USHBP1: variants seen among roughly 807,000 people sequenced by gnomAD.
USHBP1 encodes harmonin-binding protein USHBP1.
USHBP1 carries 67 observed loss-of-function variants against 76.2 expected under a neutral mutation model. The observed-to-expected ratio is 0.88, with a 90% CI of 0.72 to 1.08. The LOEUF is 1.08. Among genes scored for constraint, USHBP1 ranks in the 50% least tolerant of loss-of-function variants. The probability of loss-of-function intolerance (pLI) is 0.00; values close to 1 mark genes in which losing one functional copy is unlikely to be tolerated. For missense variants in USHBP1, 931 were observed against 915.0 expected (o/e 1.02, Z -0.23); for synonymous variants, 322 against 362.2 (o/e 0.89, Z 1.26).
rs770998002 is a variant in USHBP1 at position 17,262,756 on chromosome 19, C to A, written c.438G>T (p.Pro146=). The change falls in exon 4 of 13, where the codon CCG becomes CCT. Residue 146 remains proline, a synonymous_variant. Transcript: ENST00000252597. ...WRHQPPSHSG[P]MEFEGTSEGG... ...CTTCGCTTGTGCCTTCGAACTCCAT[C>A]GGCCCAGAATGGCTGGGGGGCTGGT... The A allele has an allele frequency of 1.2e-6, 2 of 1,614,210 alleles. No homozygotes were observed. Among genetic ancestry groups the A allele is most frequent in the South Asian group, 1.1e-5 (1 of 91,084 alleles).
chr19:17,255,467 T>G lies in USHBP1; in HGVS notation c.1610A>C (p.Glu537Ala), dbSNP rs1182481925. 1 of 1,613,858 alleles carries G rather than the reference T, an allele frequency of 6.2e-7. No homozygotes were observed. The highest frequency in any genetic ancestry group is 1.3e-5 in the African/African-American group (1 of 74,896). ...GCTGTTTGCCCCACCAGCCTGGAGCTCTGCCCGTTCCCACCGCAGCTGCTC... is the reference window on the plus strand; with the variant it reads ...GCTGTTTGCCCCACCAGCCTGGAGCGCTGCCCGTTCCCACCGCAGCTGCTC... ...LLEQLRWERA[E>A]LQAGGANSSG... The change falls in exon 10 of 13, where the codon GAG (glutamate) becomes GCG (alanine). Residue 537 changes from glutamate to alanine, a missense_variant. Physicochemically the swap from Glu to Ala is moderately radical, Grantham distance 107. Transcript: ENST00000252597.
In USHBP1 at chr19:17,262,671, G is replaced by A. The variant is rs369500800; in HGVS notation, c.523C>T (p.Arg175Cys). Reference protein sequence around the residue: ...GAGSCQREAARLAERNAWLRL... With the variant: ...GAGSCQREAACLAERNAWLRL... Reference sequence around the variant, plus strand: ...AGCCAGGCATTCCTCTCGGCCAGGCGAGCTGCCTCTCGCTGGCAGCTCCCT... The same window carrying A: ...AGCCAGGCATTCCTCTCGGCCAGGCAAGCTGCCTCTCGCTGGCAGCTCCCT... The change falls in exon 4 of 13, where the codon CGC becomes TGC. Residue 175 changes from arginine to cysteine, a missense_variant. Physicochemically the swap from Arg to Cys is radical, Grantham distance 180. Coordinates refer to ENST00000252597, the MANE Select transcript of USHBP1 (RefSeq NM_031941.4). The A allele has an allele frequency of 7.4e-6, 12 of 1,614,034 alleles. No individual in the cohort carries two copies. Among genetic ancestry groups the A allele is most frequent in the East Asian group, 4.5e-5 (2 of 44,884 alleles).
intron 4 of USHBP1, 74 bp downstream of exon 4, chr19:17,262,478 G>A: frequency 6.8e-7 from 1 of 1,477,526 alleles, no homozygotes; most frequent in South Asian, 1.3e-5. Flanking sequence ...ACAAATGAAT[G>A]AATATTGCCT....
At chr19:17,251,188 T>A (rs1000304838) in intron 12 of USHBP1, among the ~76,000 whole-genome samples, 3 of 138,536 alleles carry the variant, frequency 2.2e-5, no homozygotes, top group Non-Finnish European at 4.6e-5. Context: ...TTTTTTTTTT[T>A]AGACAGAGTC....
In USHBP1 at chr19:17,259,846, C is replaced by T. The variant is rs375254273; in HGVS notation, c.768+51G>A. 5.7e-5 allele frequency: 90 copies of T among 1,591,632 alleles called. 1 individual carries two copies. The African/African-American group carries it at 1.2e-3, about 20-fold the overall frequency. ...CATGACAAAGATTTGAGTCTCATTC[C>T]CCTGAAGGCTAAGGACATCAAGACC... On this transcript the variant is annotated intron_variant, in intron 5 of 12. Coordinates refer to ENST00000252597, the MANE Select transcript of USHBP1 (RefSeq NM_031941.4).
intron 10 of USHBP1, among the ~76,000 whole-genome samples, chr19:17,254,819 A>G (rs1349247952): frequency 6.6e-6 from 1 of 152,010 alleles, no homozygotes; most frequent in Non-Finnish European, 1.5e-5. Context: ...AATAACAGGA[A>G]ACCGCATCTG....
intron 10 of USHBP1, among the ~76,000 whole-genome samples, chr19:17,253,739 C>T (rs1253696697): frequency 6.8e-6 from 1 of 146,458 alleles, no homozygotes; most frequent in Non-Finnish European, 1.5e-5. Flanking sequence ...ACTAAAAATA[C>T]AAAAATTAGC....
intron 8 of USHBP1, among the ~76,000 whole-genome samples, chr19:17,257,371 A>G (rs891036318): frequency 1.8e-4 from 26 of 143,658 alleles, no homozygotes; most frequent in Non-Finnish European, 3.0e-4. Flanking sequence ...GGCCGGGCGC[A>G]GTGCCTAACG....
intron 8 of USHBP1, among the ~76,000 whole-genome samples, 197 bp from the exon 9 acceptor site, chr19:17,256,917 G>A (rs1215007584): frequency 6.6e-6 from 1 of 152,026 alleles, no homozygotes; most frequent in African/African-American, 2.4e-5. Context: ...GGCCAGGTGC[G>A]GTGATGCATG....
chr19:17,263,940 A>C, intron 3 of USHBP1, 62 bp downstream of exon 3: 3 of 1,463,142 alleles, frequency 2.1e-6, no homozygotes, highest in East Asian at 2.4e-5. Context: ...ACATCAGCAG[A>C]TCTGTGGATG....
At chr19:17,257,322 C>T (rs1394570405) in intron 8 of USHBP1, among the ~76,000 whole-genome samples, 8 of 147,234 alleles carry the variant, frequency 5.4e-5, no homozygotes, top group Non-Finnish European at 3.0e-5. Context: ...TGAGCCACCG[C>T]GCCTGGCCGA....
At chr19:17,261,317 T>TTTTCTTTCTTTC (rs555731943) in intron 4 of USHBP1, among the ~76,000 whole-genome samples, 1 of 140,810 alleles carries the variant, frequency 7.1e-6, no homozygotes, top group African/African-American at 2.7e-5. Flanking sequence ...TTTTCTTTCT[T>TTTTCTTTCTTTC]TTTCTTTCTT....
chr19:17,257,788 G>A (rs530824139), intron 8 of USHBP1, among the ~76,000 whole-genome samples: 3 of 151,744 alleles, frequency 2.0e-5, no homozygotes, highest in Non-Finnish European at 4.4e-5. Context: ...CTGGTACTAC[G>A]CGGGCACACC....
rs528398187 is a variant in USHBP1, at chr19:17,251,605, G to T, written c.1899C>A (p.Asn633Lys). ...RARRSQSAELNRDLCKAHSAL... is the reference protein window; with the variant it reads ...RARRSQSAELKRDLCKAHSAL... ...ACCTGTGGGCTTTGCATAAATCCCT[G>T]TTCAGCTCGGCACTCTGAGACCGTC... is the stretch of plus-strand genomic sequence containing the variant. Residue 633 changes from asparagine to lysine, a missense_variant, in exon 12 of 13, where the codon AAC (asparagine) becomes AAA (lysine). Transcript: ENST00000252597. The T allele has an allele frequency of 6.2e-7, 1 of 1,614,042 alleles. No homozygotes were observed. The highest frequency in any genetic ancestry group is 1.3e-5 in the African/African-American group (1 of 75,040).
intron 10 of USHBP1, among the ~76,000 whole-genome samples, chr19:17,253,804 G>A (rs1162414194): frequency 6.7e-6 from 1 of 148,444 alleles, no homozygotes; most frequent in Admixed American, 6.8e-5. Flanking sequence ...CAAAGCAGGA[G>A]AATCGCTTGA....
Position 17,258,620 on chromosome 19 carries a change from A to C in USHBP1, c.1047-235T>G, listed in dbSNP as rs1236235084. 3 of 443,752 alleles carry C rather than the reference A, an allele frequency of 6.8e-6. No individual in the cohort carries two copies. The South Asian group carries it at 6.9e-5, about 10-fold the overall frequency. The allele number at this position is 443,752 out of a possible 1,614,324, so 27.5% of individuals were successfully genotyped here. On this transcript the variant is annotated intron_variant, in intron 7 of 12. Coordinates refer to ENST00000252597, the MANE Select transcript of USHBP1 (RefSeq NM_031941.4). The stretch of plus-strand genomic sequence containing the variant: ...GCTACTCAGGAGGCTGAGGCAGGAG[A>C]ATCACTTGAACTGGGGAGGCGGAGG...
In USHBP1 at chr19:17,262,972, A is replaced by T. The variant is rs990704595; in HGVS notation, c.222T>A (p.Asp74Glu). ...AGGCCAGTTCCCTGCCAGAGCCCCC[A>T]TCCATCTTCTTGTCAGTCCTGTGGA... ...GLGSRTDKKMDGGSGRELASA... is the reference protein window; with the variant it reads ...GLGSRTDKKMEGGSGRELASA... The change falls in exon 4 of 13, where the codon GAT becomes GAA. Residue 74 changes from aspartate to glutamate, a missense_variant. Asp to Glu is a conservative substitution (Grantham distance 45, BLOSUM62 2). Coordinates refer to ENST00000252597, the MANE Select transcript of USHBP1 (RefSeq NM_031941.4). The T allele has an allele frequency of 1.1e-5, 16 of 1,521,120 alleles. No homozygotes were observed. The highest frequency in any genetic ancestry group is 2.2e-5 in the Admixed American group (1 of 45,266). The allele number at this position is 1,521,120 out of a possible 1,614,324, so 94.2% of individuals were successfully genotyped here.
intron 4 of USHBP1, among the ~76,000 whole-genome samples, chr19:17,262,042 C>T (rs1173408872): frequency 6.8e-6 from 1 of 147,374 alleles, no homozygotes; most frequent in Non-Finnish European, 1.5e-5. Flanking sequence ...ACTCTGTCCC[C>T]CAGGTTGGAG....
At chr19:17,261,642 T>TA (rs113854676) in intron 4 of USHBP1, among the ~76,000 whole-genome samples, 48,498 of 145,656 alleles carry the variant, frequency 0.33, 8,273 homozygotes, top group African/African-American at 0.4. Context: ...TTATTATTAT[T>TA]TTTTTTTTTT....
Sources: gnomAD v4.1 joint callset for allele counts (sites outside exome capture counted in the v4.1 genomes callset) on GRCh38, gnomAD v4.1.1 for gene constraint, MANE v1.5 for transcripts, NCBI Gene and HGNC (gene_info 2026-07-23, HGNC 2026-07-21) for gene names.